ZBTB1: variants seen among roughly 807,000 people sequenced by gnomAD.
ZBTB1 encodes the protein zinc finger and BTB domain containing 1, also known as zinc finger and BTB domain-containing protein 1.
ZBTB1 carries 13 observed loss-of-function variants against 51.6 expected under a neutral mutation model. The observed-to-expected ratio is 0.25, with a 90% CI of 0.16 to 0.40. ZBTB1 has a LOEUF of 0.40. ZBTB1 is among the 10% of genes least tolerant of loss of function. The pLI, the probability that ZBTB1 is intolerant of heterozygous loss-of-function variation, is 1.00. For synonymous variants in ZBTB1, 240 were observed against 282.2 expected (o/e 0.85, Z 1.50); for missense variants, 567 against 856.5 (o/e 0.66, Z 4.22).
intron 1 of ZBTB1, among the ~76,000 whole-genome samples, chr14:64,521,225 C>G (rs891044282): frequency 6.6e-6 from 1 of 152,094 alleles, no homozygotes; most frequent in African/African-American, 2.4e-5. Context: ...CATGTTCCCC[C>G]CAAGAGTTGT....
intron 1 of ZBTB1, among the ~76,000 whole-genome samples, chr14:64,509,181 C>T (rs2079696943): frequency 6.6e-6 from 1 of 152,134 alleles, no homozygotes; most frequent in Non-Finnish European, 1.5e-5. Context: ...ACCAGCCTGG[C>T]CAACATGGCG....
chr14:64,519,777 CAA>C (rs532158633), intron 1 of ZBTB1, among the ~76,000 whole-genome samples: 22 of 119,372 alleles, frequency 1.8e-4, no homozygotes, highest in Admixed American at 2.6e-4. Flanking sequence ...GACCCTGCCT[CAA>C]AAAAAAAAAA....
downstream of ZBTB1, among the ~76,000 whole-genome samples, chr14:64,527,643 G>A (rs991087505): frequency 2.7e-5 from 4 of 150,756 alleles, no homozygotes; most frequent in African/African-American, 4.9e-5. Flanking sequence ...GTGGTGGCGC[G>A]CACCTGTAAT....
rs1201186522 is a variant in ZBTB1 at position 64,504,849 on chromosome 14, C to G, written c.-116C>G. ...CGCCGAGCGCCGCGCGCCGCCGCCA[C>G]TGCAGCTCGCGGCCCCTTCGCCTTC... On this transcript the variant is annotated 5_prime_UTR_variant, in exon 1 of 2. Transcript: ENST00000683701. The G allele has an allele frequency of 5.0e-6, 2 of 396,298 alleles. No homozygotes were observed. Among genetic ancestry groups the G allele is most frequent in the Non-Finnish European group, 8.9e-6 (2 of 224,858 alleles). 24.5% of individuals were successfully genotyped at this position (396,298 alleles called of 1,614,324 possible).
chr14:64,521,143 G>A lies in ZBTB1; in HGVS notation c.-18-344G>A, dbSNP rs562504594. Among the ~76,000 whole-genome samples the A allele has an allele frequency of 8.5e-5, 13 of 152,282 alleles. No homozygotes were observed. The East Asian group carries it at 2.3e-3, about 27-fold the overall frequency. ...CTCCCAAAGTGTTAGGATTACAGGC[G>A]TGAGCCACTGCACTCGGCCTCCTTC... On this transcript the variant is annotated intron_variant, in intron 1 of 1. Coordinates refer to ENST00000683701, the MANE Select transcript of ZBTB1 (RefSeq NM_001123329.2).
At chr14:64,519,611 A>G (rs1416978049) in intron 1 of ZBTB1, among the ~76,000 whole-genome samples, 1 of 147,546 alleles carries the variant, frequency 6.8e-6, no homozygotes, top group Non-Finnish European at 1.5e-5. Flanking sequence ...TAAAATATTA[A>G]AAAAAAAAAA....
rs768311327 is a variant in ZBTB1 at position 64,523,490 on chromosome 14, T to C, written c.1986T>C (p.Thr662=). ...TTTCTCATTTATCTGCTGGTGAGAC[T>C]ATATGCCAGGTCTGCTTTCAGATAT... is the stretch of plus-strand genomic sequence containing the variant. The part of the protein sequence containing the change: ...HMISHLSAGE[T]ICQVCFQIFP... The change falls in exon 2 of 2, where the codon ACT becomes ACC. Residue 662 remains threonine (T), a synonymous_variant. Transcript: ENST00000683701. This position sits in a 1 kb window ranked among gnomAD's most constrained non-coding sequence, Gnocchi z 4.5. 6.2e-7 allele frequency: 1 copy of C among 1,612,718 alleles called. No homozygotes were observed. Among genetic ancestry groups the C allele is most frequent in the Non-Finnish European group, 8.5e-7 (1 of 1,179,186 alleles).
chr14:64,522,478 T>A lies in ZBTB1; in HGVS notation c.974T>A (p.Ile325Asn), dbSNP rs1196111022. 1 of 1,614,006 alleles carries A rather than the reference T, an allele frequency of 6.2e-7. No individual in the cohort carries two copies. Among genetic ancestry groups the A allele is most frequent in the East Asian group, 2.2e-5 (1 of 44,886 alleles). ...EKSRAAERKR[I>N]IIKMEPEDIP... ...AGCAGAGCTGCTGAGAGGAAAAGGA[T>A]TATTATTAAGATGGAGCCAGAAGAT... Residue 325 changes from isoleucine to asparagine, a missense_variant, in exon 2 of 2, where the codon ATT becomes AAT. Ile to Asn is a moderately radical substitution (Grantham distance 149). Coordinates refer to ENST00000683701, the MANE Select transcript of ZBTB1 (RefSeq NM_001123329.2).
rs759893081 is a variant in ZBTB1 at position 64,523,344 on chromosome 14, C to G, written c.1840C>G (p.Gln614Glu). Residue 614 changes from glutamine to glutamate, a missense_variant, in exon 2 of 2, where the codon CAG (glutamine) becomes GAG (glutamate). Physicochemically the swap from Gln to Glu is conservative, Grantham distance 29 (BLOSUM62 2). Coordinates refer to ENST00000683701, the MANE Select transcript of ZBTB1 (RefSeq NM_001123329.2). This position sits in a 1 kb window ranked among gnomAD's most constrained non-coding sequence, Gnocchi z 4.5. ...KQFVCQTCGK[Q>E]FLRERQLRLH... is the part of the protein sequence containing the mutation. ...GTTTGTTTGTCAAACATGTGGAAAG[C>G]AGTTTTTAAGAGAGCGTCAGTTGCG... The G allele has an allele frequency of 3.1e-6, 5 of 1,614,148 alleles. No homozygotes were observed. The highest frequency in any genetic ancestry group is 4.2e-6 in the Non-Finnish European group (5 of 1,180,016).
chr14:64,505,083 C>T (rs2079623405), intron 1 of ZBTB1, 137 bp downstream of exon 1: 3 of 360,076 alleles, frequency 8.3e-6, no homozygotes, highest in South Asian at 1.4e-4. Flanking sequence ...GGACGCGCTG[C>T]GAGGACCCGG....
At chr14:64,532,523 C>A (rs1446904887) in exon 3 of ZBTB1, 1 of 152,066 alleles carries the variant, frequency 6.6e-6, no homozygotes, top group African/African-American at 2.4e-5. Context: ...ATGCCAGTCA[C>A]AATCTTGATC....
rs1283539784 is a variant in ZBTB1, at chr14:64,517,776, TATA to T, written c.-18-3710_-18-3708del. On this transcript the variant is annotated intron_variant, in intron 1 of 1. Transcript: ENST00000683701. ...TTAGAAATATATATATATATATATA[TATA>T]TATTTTTTTTTTTTTTTTTTTTTTG... Among the ~76,000 whole-genome samples the T allele has an allele frequency of 8.5e-3, 427 of 50,512 alleles. 14 individuals are homozygous for T. The highest frequency in any genetic ancestry group is 0.026 in the African/African-American group (372 of 14,422). 33.1% of individuals were successfully genotyped at this position (50,512 alleles called of 152,430 possible).
intron 1 of ZBTB1, among the ~76,000 whole-genome samples, chr14:64,515,608 C>T (rs1300106950): frequency 2.6e-5 from 4 of 151,454 alleles, no homozygotes; most frequent in African/African-American, 9.7e-5. Context: ...GTAAGCTCCG[C>T]CTCCCGAGTT....
At chr14:64,512,340 A>C (rs140887468) in intron 1 of ZBTB1, among the ~76,000 whole-genome samples, 1 of 152,192 alleles carries the variant, frequency 6.6e-6, no homozygotes, top group African/African-American at 2.4e-5. Context: ...AGTGTCAACT[A>C]TGTGGGAAGA....
At position 64,522,451 on chromosome 14, in the gene ZBTB1, A is replaced by G. The variant is rs1386050692; in HGVS notation, c.947A>G (p.Lys316Arg). 7 of 1,613,970 alleles carry G rather than the reference A, an allele frequency of 4.3e-6. No homozygotes were observed. The highest frequency in any genetic ancestry group is 5.9e-6 in the Non-Finnish European group (7 of 1,180,022). Residue 316 changes from lysine (K) to arginine (R), a missense_variant, in exon 2 of 2, where the codon AAA becomes AGA. Physicochemically the swap from Lys to Arg is conservative, Grantham distance 26. Around this residue, in one of 5 missense-constraint regions of ZBTB1, gnomAD observed 329 missense variants for 406.3 expected, o/e 0.81. Coordinates refer to ENST00000683701, the MANE Select transcript of ZBTB1 (RefSeq NM_001123329.2). ...TVESEIASEE[K>R]SRAAERKRII... ...GAGTCTGAAATAGCAAGCGAAGAGAAAAGCAGAGCTGCTGAGAGGAAAAGG... is the reference window on the plus strand; with the variant it reads ...GAGTCTGAAATAGCAAGCGAAGAGAGAAGCAGAGCTGCTGAGAGGAAAAGG...
exon 3 of ZBTB1, chr14:64,533,275 A>G (rs1420970585): frequency 6.6e-6 from 1 of 152,134 alleles, no homozygotes; most frequent in African/African-American, 2.4e-5. Context: ...GAAATAAAAC[A>G]AATAAGCCTA....
chr14:64,523,877 A>G lies in ZBTB1; in HGVS notation c.*231A>G. ...TATTTGTTTTTAGTTTTTCTTAGCT[A>G]TGATTAAAATTTTTAAATGTAGACT... On this transcript the variant is annotated 3_prime_UTR_variant, in exon 2 of 2. Coordinates refer to ENST00000683701, the MANE Select transcript of ZBTB1 (RefSeq NM_001123329.2). This position sits in a 1 kb window ranked among gnomAD's most constrained non-coding sequence, Gnocchi z 4.5. 1 of 1,203,512 alleles carries G rather than the reference A, an allele frequency of 8.3e-7. No homozygotes were observed. 74.6% of individuals were successfully genotyped at this position (1,203,512 alleles called of 1,614,324 possible).
intron 1 of ZBTB1, among the ~76,000 whole-genome samples, chr14:64,509,352 CAG>C (rs893438366): frequency 2.0e-5 from 3 of 152,030 alleles, no homozygotes; most frequent in Admixed American, 2.0e-4. Flanking sequence ...GCCTGGATGA[CAG>C]AGCCAGACCC....
Position 64,522,695 on chromosome 14 carries a change from T to C in ZBTB1, c.1191T>C (p.Asp397=), listed in dbSNP as rs2079873048. Residue 397 remains aspartate (D), a synonymous_variant, in exon 2 of 2, where the codon GAT becomes GAC. Coordinates refer to ENST00000683701, the MANE Select transcript of ZBTB1 (RefSeq NM_001123329.2). The part of the protein sequence containing the change: ...TLKPRMSVSA[D]ERGGLENMRP... ...AACCTCGAATGTCAGTAAGTGCTGATGAAAGAGGTGGTTTAGAGAATATGA... is the reference window on the plus strand; with the variant it reads ...AACCTCGAATGTCAGTAAGTGCTGACGAAAGAGGTGGTTTAGAGAATATGA... The C allele has an allele frequency of 6.2e-7, 1 of 1,614,100 alleles. No individual in the cohort carries two copies. Among genetic ancestry groups the C allele is most frequent in the Admixed American group, 1.7e-5 (1 of 60,020 alleles).
Sources: gnomAD v4.1 joint callset for allele counts (sites outside exome capture counted in the v4.1 genomes callset) on GRCh38, gnomAD v4.1.1 for gene constraint, gnomAD v4.1.1 regional missense constraint, Gnocchi (gnomAD v3.1) non-coding constraint, MANE v1.5 for transcripts, NCBI Gene and HGNC (gene_info 2026-07-23, HGNC 2026-07-21) for gene names.